ANO5: variants seen among roughly 807,000 people sequenced by gnomAD.
ANO5 encodes anoctamin 5.
In ANO5, 109 loss-of-function variants were observed where a neutral mutation model predicts 121.0. The observed-to-expected ratio is 0.90, with a 90% CI of 0.77 to 1.06. ANO5 has a LOEUF of 1.06. ANO5 is among the 50% of genes least tolerant of loss of function. ANO5 has a pLI of 0.00. For synonymous variants in ANO5, 406 were observed against 359.9 expected (o/e 1.13, Z -1.45); for missense variants, 1,064 against 1,078.5 (o/e 0.99, Z 0.19).
intron 1 of ANO5, among the ~76,000 whole-genome samples, chr11:22,195,035 T>C (rs532613960): frequency 7.3e-4 from 111 of 152,340 alleles, no homozygotes; most frequent in Non-Finnish European, 1.4e-3. Flanking sequence ...CATCTGCATG[T>C]TACCTTCCCA....
At chr11:22,223,032 C>T (rs989892688) in intron 5 of ANO5, among the ~76,000 whole-genome samples, 5 of 151,994 alleles carry the variant, frequency 3.3e-5, no homozygotes, top group Non-Finnish European at 5.9e-5. Context: ...TGTCCATCCA[C>T]CAGGAGTTTT....
At chr11:22,195,634 G>A (rs1267562003) in intron 1 of ANO5, among the ~76,000 whole-genome samples, 1 of 152,002 alleles carries the variant, frequency 6.6e-6, no homozygotes, top group Non-Finnish European at 1.5e-5. Flanking sequence ...GTTTCACCCT[G>A]TTGCCCAAGT....
At chr11:22,276,835 AAAAG>A (rs1349291400) in intron 21 of ANO5, among the ~76,000 whole-genome samples, 5 of 151,584 alleles carry the variant, frequency 3.3e-5, no homozygotes, top group African/African-American at 1.2e-4. Context: ...GAGAGAAAAT[AAAAG>A]AAAGGTACTT....
chr11:22,205,034 T>C (rs1852072171), intron 2 of ANO5, among the ~76,000 whole-genome samples: 1 of 152,146 alleles, frequency 6.6e-6, no homozygotes, highest in Non-Finnish European at 1.5e-5. Flanking sequence ...GACAAGATCA[T>C]GTCCTTGGCA....
chr11:22,274,153 G>A (rs192222934), intron 19 of ANO5, among the ~76,000 whole-genome samples: 77 of 143,870 alleles, frequency 5.4e-4, no homozygotes, highest in African/African-American at 1.5e-3. Context: ...TTCCTTTCCT[G>A]TTAATCTCTT....
At chr11:22,272,714 G>T in intron 18 of ANO5, 70 bp from the exon 19 acceptor site, 2 of 1,423,362 alleles carry the variant, frequency 1.4e-6, no homozygotes, top group Non-Finnish European at 9.9e-7. Context: ...GAAGTAGCAG[G>T]ATTTGGGCAG....
intron 1 of ANO5, among the ~76,000 whole-genome samples, chr11:22,196,239 G>A (rs1013601465): frequency 2.6e-5 from 4 of 152,136 alleles, no homozygotes; most frequent in Non-Finnish European, 5.9e-5. Flanking sequence ...TAACATGTTG[G>A]AAGGTCAAGG....
chr11:22,263,121 G>C, intron 17 of ANO5, 78 bp downstream of exon 17: 1 of 1,211,444 alleles, frequency 8.3e-7, no homozygotes, highest in South Asian at 1.2e-5. Context: ...GGAATTTTTT[G>C]ATTACCATGG....
Position 22,270,394 on chromosome 11 carries a change from C to T in ANO5, c.1981C>T (p.Leu661Phe), listed in dbSNP as rs944857212. 1 of 1,614,132 alleles carries T rather than the reference C, an allele frequency of 6.2e-7. No individual in the cohort carries two copies. The highest frequency in any genetic ancestry group is 1.3e-5 in the African/African-American group (1 of 75,036). Reference protein sequence around the residue: ...LYSRWEQDHDLESFGPLGLFY... With the variant: ...LYSRWEQDHDFESFGPLGLFY... ...TAGTCGATGGGAGCAGGATCATGACCTTGAAAGTTTTGGACCCCTTGGGCT... is the reference window on the plus strand; with the variant it reads ...TAGTCGATGGGAGCAGGATCATGACTTTGAAAGTTTTGGACCCCTTGGGCT... Residue 661 changes from leucine to phenylalanine, a missense_variant, in exon 18 of 22, where the codon CTT (leucine) becomes TTT (phenylalanine). By Grantham distance (22) the Leu-to-Phe change is conservative. Transcript: ENST00000324559.
At chr11:22,246,879 A>G (rs1337193131) in intron 9 of ANO5, among the ~76,000 whole-genome samples, 3 of 145,618 alleles carry the variant, frequency 2.1e-5, no homozygotes, top group South Asian at 2.1e-4. Context: ...AAAAAAAAAA[A>G]GCAAAAAAGA....
At position 22,282,199 on chromosome 11, in the gene ANO5, T is replaced by C. The variant is rs1433023478; in HGVS notation, c.*2434T>C. 6.6e-6 allele frequency: 1 copy of C among 152,202 alleles called. No homozygotes were observed. Among genetic ancestry groups the C allele is most frequent in the Non-Finnish European group, 1.5e-5 (1 of 68,002 alleles). 9.4% of individuals were successfully genotyped at this position (152,202 alleles called of 1,614,324 possible). ...GCATAGTTTTGTTTTGTTTTCAGAA[T>C]GTTCTAGGGAACATTTGAGATTTTA... On this transcript the variant is annotated 3_prime_UTR_variant, in exon 22 of 22. Coordinates refer to ENST00000324559, the MANE Select transcript of ANO5 (RefSeq NM_213599.3).
intron 1 of ANO5, among the ~76,000 whole-genome samples, chr11:22,195,756 C>G (rs1455204718): frequency 6.6e-6 from 1 of 152,068 alleles, no homozygotes; most frequent in Non-Finnish European, 1.5e-5. Flanking sequence ...TAAAAAAGGG[C>G]CTTTGTAATC....
In ANO5 at chr11:22,279,831, G is replaced by C. The variant is rs1855014633; in HGVS notation, c.*66G>C. 2.3e-6 allele frequency: 3 copies of C among 1,332,654 alleles called. No homozygotes were observed. The highest frequency in any genetic ancestry group is 3.2e-6 in the Non-Finnish European group (3 of 943,376). 82.6% of individuals were successfully genotyped at this position (1,332,654 alleles called of 1,614,324 possible). A position where few individuals can be genotyped will look rare whatever the true frequency, so the allele number is the denominator to read the frequency against. On this transcript the variant is annotated 3_prime_UTR_variant, in exon 22 of 22. Transcript: ENST00000324559. Reference sequence around the variant, plus strand: ...ACTTTATCCTCTGGTTTTAGGGCCAGACGCCAGAAGCCATGTGTCAATTTT... The same window carrying C: ...ACTTTATCCTCTGGTTTTAGGGCCACACGCCAGAAGCCATGTGTCAATTTT...
intron 21 of ANO5, among the ~76,000 whole-genome samples, chr11:22,276,442 TTTCCC>T (rs1269188826): frequency 6.6e-6 from 1 of 151,794 alleles, no homozygotes; most frequent in Non-Finnish European, 1.5e-5. Flanking sequence ...ATATGGTTTT[TTTCCC>T]TTCAAGTCAG....
chr11:22,260,264 G>T (rs1206106815), intron 15 of ANO5, among the ~76,000 whole-genome samples: 1 of 152,110 alleles, frequency 6.6e-6, no homozygotes, highest in African/African-American at 2.4e-5. Flanking sequence ...AAGTGAAAGG[G>T]GTCACAGGTT....
intron 8 of ANO5, among the ~76,000 whole-genome samples, chr11:22,238,537 A>G (rs1041671467): frequency 4.6e-5 from 7 of 151,976 alleles, no homozygotes; most frequent in Admixed American, 6.6e-5. Flanking sequence ...AGTGTTAGGC[A>G]CTGGATTTTC....
intron 1 of ANO5, among the ~76,000 whole-genome samples, chr11:22,199,991 T>C (rs569197384): frequency 9.9e-5 from 15 of 152,282 alleles, no homozygotes; most frequent in African/African-American, 3.6e-4. Context: ...TTTAAATGTA[T>C]CTTTTTCTCA....
intron 1 of ANO5, among the ~76,000 whole-genome samples, chr11:22,197,070 A>G (rs1371683477): frequency 6.6e-6 from 1 of 152,200 alleles, no homozygotes; most frequent in African/African-American, 2.4e-5. Context: ...TGTGCTTTCT[A>G]AATCACCTTT....
At chr11:22,254,006 T>C (rs1205161376) in intron 12 of ANO5, among the ~76,000 whole-genome samples, 3 of 152,160 alleles carry the variant, frequency 2.0e-5, no homozygotes, top group African/African-American at 7.2e-5. Flanking sequence ...AATAATTAAT[T>C]GTATACTTTA....
Sources: allele counts gnomAD v4.1 joint callset (sites outside exome capture counted in the v4.1 genomes callset), GRCh38; gene constraint gnomAD v4.1.1; transcripts MANE v1.5; gene names NCBI Gene and HGNC (gene_info 2026-07-23, HGNC 2026-07-21).